Variants in TNIP3 observed in about 807,000 individuals in gnomAD.
TNIP3 encodes the protein TNFAIP3 interacting protein 3.
Under a neutral mutation model 54.1 loss-of-function variants are expected in TNIP3, and 34 were observed. The ratio of observed to expected loss-of-function variants is 0.63; its 90% CI spans 0.48 to 0.84. TNIP3 has a LOEUF of 0.84. Ranked by LOEUF, TNIP3 falls within the 40% of genes least tolerant of loss-of-function variation. The pLI, the probability that TNIP3 is intolerant of heterozygous loss-of-function variation, is 0.00. For missense variants in TNIP3, 366 were observed against 387.6 expected, an observed-to-expected ratio of 0.94 and a Z score of 0.47; for synonymous variants, 134 against 136.8, an observed-to-expected ratio of 0.98 and a Z score of 0.14.
In TNIP3 at chr4:121,148,856, C is replaced by G. The variant is rs183591674; in HGVS notation, c.609+1247G>C. Among the ~76,000 whole-genome samples the G allele has an allele frequency of 3.3e-5, 5 of 152,294 alleles. No individual in the cohort carries two copies. In the East Asian group the frequency reaches 9.6e-4, roughly 29 times the overall value. Reference sequence around the variant, plus strand: ...ACTTAGTACTTGCTCAGGGCAAAACCAGTCAGTAAATCATACCCAGGGACA... The same window carrying G: ...ACTTAGTACTTGCTCAGGGCAAAACGAGTCAGTAAATCATACCCAGGGACA... On this transcript the variant is annotated intron_variant, in intron 6 of 10. Transcript: ENST00000057513.
intron 3 of TNIP3, among the ~76,000 whole-genome samples, chr4:121,174,004 A>G (rs1045098840): frequency 4.6e-5 from 7 of 152,220 alleles, no homozygotes; most frequent in African/African-American, 1.4e-4. Context: ...GTACTAGAAT[A>G]TGAAGATGAG....
At chr4:121,149,046 C>G (rs1729587459) in intron 6 of TNIP3, among the ~76,000 whole-genome samples, 1 of 152,140 alleles carries the variant, frequency 6.6e-6, no homozygotes, top group South Asian at 2.1e-4. Context: ...TTAATTTAAC[C>G]TCTCACATAA....
intron 5 of TNIP3, among the ~76,000 whole-genome samples, chr4:121,151,723 T>C (rs940449245): frequency 5.3e-5 from 8 of 152,192 alleles, no homozygotes; most frequent in African/African-American, 1.7e-4. Context: ...TAGATCTTGT[T>C]ATTTGAATTT....
intron 2 of TNIP3, chr4:121,182,942 T>C: frequency 1.3e-6 from 1 of 779,828 alleles, no homozygotes; most frequent in South Asian, 2.0e-5. Context: ...CATTATGTTT[T>C]CATTAGTCCA....
intron 3 of TNIP3, among the ~76,000 whole-genome samples, chr4:121,182,022 C>T (rs548847676): frequency 6.6e-6 from 1 of 152,130 alleles, no homozygotes; most frequent in African/African-American, 2.4e-5. Context: ...TCTCAAACTA[C>T]TCACATTCTC....
chr4:121,198,063 G>A (rs921694183), intron 2 of TNIP3, among the ~76,000 whole-genome samples: 1 of 151,882 alleles, frequency 6.6e-6, no homozygotes, highest in African/African-American at 2.4e-5. Context: ...AAGAACTAGA[G>A]GATGCGGATA....
In TNIP3 at chr4:121,137,662, G is replaced by C. The variant is rs531664701; in HGVS notation, c.946+962C>G. ...TTCACAACCTGCAAAACTACATGTG[G>C]TGTCCCTGACTCCCTATTTACACTC... On this transcript the variant is annotated intron_variant, in intron 10 of 10. Coordinates refer to ENST00000057513, the MANE Select transcript of TNIP3 (RefSeq NM_024873.6). 3.9e-5 allele frequency: 10 copies of C among 255,198 alleles called. 1 individual carries two copies. In the South Asian group the frequency reaches 4.6e-4, roughly 12 times the overall value. The allele number at this position is 255,198 out of a possible 1,614,324, so 15.8% of individuals were successfully genotyped here. A position where few individuals can be genotyped will look rare whatever the true frequency, so the allele number is the denominator to read the frequency against.
intron 2 of TNIP3, among the ~76,000 whole-genome samples, chr4:121,201,766 A>G (rs1007073078): frequency 6.6e-6 from 1 of 152,258 alleles, no homozygotes; most frequent in Non-Finnish European, 1.5e-5. Context: ...TTATATATCA[A>G]GAATCTGCTA....
chr4:121,226,520 AC>A (rs1242434907), intron 1 of TNIP3, among the ~76,000 whole-genome samples: 1 of 152,180 alleles, frequency 6.6e-6, no homozygotes, highest in Non-Finnish European at 1.5e-5. Context: ...ACTTGAAAGG[AC>A]ACTCTGGGAG....
At chr4:121,190,780 G>A (rs374478188) in intron 2 of TNIP3, among the ~76,000 whole-genome samples, 11 of 152,226 alleles carry the variant, frequency 7.2e-5, no homozygotes, top group African/African-American at 2.2e-4. Context: ...AATACTCCCC[G>A]AACAAACTCT....
intron 2 of TNIP3, among the ~76,000 whole-genome samples, chr4:121,193,467 G>T (rs1013865915): frequency 2.6e-5 from 4 of 152,106 alleles, no homozygotes; most frequent in Non-Finnish European, 4.4e-5. Context: ...AAACATAAGT[G>T]GGGGTAAGAA....
intron 7 of TNIP3, 30 bp from the exon 8 acceptor site, chr4:121,142,806 C>T (rs1729200175): frequency 1.3e-6 from 2 of 1,589,384 alleles, no homozygotes; most frequent in South Asian, 2.2e-5. Context: ...ATTTGTTAAT[C>T]AAGACAAGTT....
intron 2 of TNIP3, among the ~76,000 whole-genome samples, chr4:121,194,210 T>G (rs1725448606): frequency 6.6e-6 from 1 of 152,200 alleles, no homozygotes; most frequent in Non-Finnish European, 1.5e-5. Flanking sequence ...AAAATTTTTT[T>G]CTTTCTCACA....
At chr4:121,135,235 G>C (rs1413184456) in intron 10 of TNIP3, among the ~76,000 whole-genome samples, 2 of 152,138 alleles carry the variant, frequency 1.3e-5, no homozygotes, top group African/African-American at 2.4e-5. Flanking sequence ...CAGTTTCTAT[G>C]CTTGATTCAT....
chr4:121,150,008 A>T lies in TNIP3; in HGVS notation c.609+95T>A, dbSNP rs529584124. ...TAAAATAAATGCAAAAACCTTTGAC[A>T]TATTTCTAGCAGCAAGACATCTAAA... On this transcript the variant is annotated intron_variant, in intron 6 of 10. Coordinates refer to ENST00000057513, the MANE Select transcript of TNIP3 (RefSeq NM_024873.6). 38 of 738,586 alleles carry T rather than the reference A, an allele frequency of 5.1e-5. No homozygotes were observed. In the African/African-American group the frequency reaches 6.5e-4, roughly 13 times the overall value. The allele number at this position is 738,586 out of a possible 1,614,324, so 45.8% of individuals were successfully genotyped here. A position where few individuals can be genotyped will look rare whatever the true frequency, so the allele number is the denominator to read the frequency against.
chr4:121,195,159 C>G (rs1258842025), intron 2 of TNIP3, among the ~76,000 whole-genome samples: 1 of 149,932 alleles, frequency 6.7e-6, no homozygotes, highest in African/African-American at 2.5e-5. Flanking sequence ...GGTGAAAAAG[C>G]AAACAAAACA....
intron 8 of TNIP3, among the ~76,000 whole-genome samples, chr4:121,142,344 G>A (rs1729167805): frequency 6.6e-6 from 1 of 152,174 alleles, no homozygotes. Flanking sequence ...GAGAACCCAT[G>A]GGATAGAATG....
intron 2 of TNIP3, among the ~76,000 whole-genome samples, chr4:121,204,744 A>G (rs375767086): frequency 6.6e-6 from 1 of 152,292 alleles, no homozygotes; most frequent in East Asian, 1.9e-4. Flanking sequence ...GTTGGGTCCA[A>G]GGGTATGGAC....
chr4:121,162,031 A>G (rs1235625857), intron 1 of TNIP3, among the ~76,000 whole-genome samples: 1 of 152,218 alleles, frequency 6.6e-6, no homozygotes. Flanking sequence ...TTATTGGATG[A>G]TGAGAGTAAT....
Sources: allele counts gnomAD v4.1 joint callset (sites outside exome capture counted in the v4.1 genomes callset), GRCh38; gene constraint gnomAD v4.1.1; transcripts MANE v1.5; gene names NCBI Gene and HGNC (gene_info 2026-07-23, HGNC 2026-07-21).